PITPNC1: variants seen among roughly 807,000 people sequenced by gnomAD.
The protein encoded by PITPNC1 is cytoplasmic phosphatidylinositol transfer protein 1.
A neutral mutation model predicts 44.7 loss-of-function variants in PITPNC1; 18 were observed. The ratio of observed to expected loss-of-function variants is 0.40; its 90% CI spans 0.28 to 0.60. The LOEUF is 0.60. Among genes scored for constraint, PITPNC1 ranks in the 20% least tolerant of loss-of-function variants. PITPNC1 has a pLI of 0.39. For missense variants in PITPNC1, 290 were observed against 418.4 expected (o/e 0.69, Z 2.68); for synonymous variants, 141 against 149.6 (o/e 0.94, Z 0.42).
At chr17:67,387,778 CTTATT>C (rs1389364035) in intron 1 of PITPNC1, among the ~76,000 whole-genome samples, 1 of 152,176 alleles carries the variant, frequency 6.6e-6, no homozygotes, top group African/African-American at 2.4e-5. Context: ...GCAATTTGTA[CTTATT>C]TTGTTTAATT....
intron 4 of PITPNC1, among the ~76,000 whole-genome samples, chr17:67,566,030 T>C (rs2040976385): frequency 6.6e-6 from 1 of 152,224 alleles, no homozygotes. Context: ...ACACTTTGTT[T>C]TTTTAATGGT....
At chr17:67,492,357 A>G (rs2039876598) in intron 1 of PITPNC1, among the ~76,000 whole-genome samples, 1 of 152,236 alleles carries the variant, frequency 6.6e-6, no homozygotes, top group Non-Finnish European at 1.5e-5. Flanking sequence ...GAGAAGACAC[A>G]GACACACAGG....
chr17:67,614,821 T>C (rs2041736732), intron 5 of PITPNC1, among the ~76,000 whole-genome samples: 1 of 151,724 alleles, frequency 6.6e-6, no homozygotes. Flanking sequence ...GAGAGCAGCC[T>C]GGGGAATATA....
At chr17:67,670,621 G>A (rs1369340788) in intron 7 of PITPNC1, among the ~76,000 whole-genome samples, 2 of 151,530 alleles carry the variant, frequency 1.3e-5, no homozygotes, top group Non-Finnish European at 2.9e-5. Flanking sequence ...GTGGTGGCAC[G>A]TGCCTATAAT....
intron 1 of PITPNC1, among the ~76,000 whole-genome samples, chr17:67,431,346 C>CCG (rs748992940): frequency 7.2e-5 from 11 of 152,096 alleles, no homozygotes; most frequent in Non-Finnish European, 1.5e-4. Flanking sequence ...GAGTGAGCCA[C>CCG]CGCACCTGGC....
Position 67,553,611 on chromosome 17 carries a change from A to C in PITPNC1, c.288A>C (p.Glu96Asp). The C allele has an allele frequency of 3.2e-6, 4 of 1,231,928 alleles. No homozygotes were observed. The highest frequency in any genetic ancestry group is 3.4e-6 in the Non-Finnish European group (3 of 888,248). The allele number at this position is 1,231,928 out of a possible 1,614,324, so 76.3% of individuals were successfully genotyped here. The change falls in exon 4 of 9, where the codon GAA becomes GAC. Residue 96 changes from glutamate to aspartate, a missense_variant and splice_region_variant. Physicochemically the swap from Glu to Asp is conservative, Grantham distance 45 (BLOSUM62 2). Coordinates refer to ENST00000581322, the MANE Select transcript of PITPNC1 (RefSeq NM_012417.4). ...CTTCAAATGAACATGTGGAAACAGA[A>C]TACACAGTAAGTTCCATTTAATTAT... ...AWNYYPYTIT[E>D]YTCSFLPKFS...
At chr17:67,479,391 G>C (rs1426936008) in intron 1 of PITPNC1, among the ~76,000 whole-genome samples, 1 of 152,198 alleles carries the variant, frequency 6.6e-6, no homozygotes, top group Non-Finnish European at 1.5e-5. Context: ...ATGAGACAGT[G>C]CTTTGTCAAA....
At chr17:67,661,163 ATTAGCATAGTC>A (rs901687216) in intron 6 of PITPNC1, among the ~76,000 whole-genome samples, 12 of 151,966 alleles carry the variant, frequency 7.9e-5, no homozygotes, top group African/African-American at 2.9e-4. Context: ...ACATTCTTAA[ATTAGCATAGTC>A]TTTCCAGGCC....
At chr17:67,660,479 A>G (rs1307823923) in intron 6 of PITPNC1, among the ~76,000 whole-genome samples, 2 of 151,246 alleles carry the variant, frequency 1.3e-5, no homozygotes, top group Non-Finnish European at 3.0e-5. Context: ...GCCCTATATT[A>G]GTCTTTTTCA....
At chr17:67,418,507 G>A (rs1008840823) in intron 1 of PITPNC1, among the ~76,000 whole-genome samples, 1 of 152,106 alleles carries the variant, frequency 6.6e-6, no homozygotes, top group Non-Finnish European at 1.5e-5. Context: ...TTGTTGCGGG[G>A]AAGGAAGCAA....
intron 1 of PITPNC1, among the ~76,000 whole-genome samples, chr17:67,472,792 G>T (rs960931482): frequency 2.6e-5 from 4 of 152,162 alleles, no homozygotes; most frequent in Admixed American, 6.6e-5. Flanking sequence ...GAGTCACTCA[G>T]GGGAGGGAGA....
chr17:67,673,423 G>A (rs1365829734), intron 7 of PITPNC1, among the ~76,000 whole-genome samples: 1 of 151,878 alleles, frequency 6.6e-6, no homozygotes, highest in Non-Finnish European at 1.5e-5. Context: ...ACACACAAAT[G>A]GTATATACTA....
In PITPNC1 at chr17:67,695,606, G is replaced by GTATATATA. The variant is rs59071980; in HGVS notation, c.*2737_*2744dup. The stretch of plus-strand genomic sequence containing the variant: ...TTCACCAAAATTGTATTATACCTGT[G>GTATATATA]TATATATATATATATATATATATAT... On this transcript the variant is annotated 3_prime_UTR_variant, in exon 9 of 9. Transcript: ENST00000581322. 9.1e-5 allele frequency: 13 copies of GTATATATA among 142,982 alleles called. No homozygotes were observed. Among genetic ancestry groups the GTATATATA allele is most frequent in the South Asian group, 2.2e-4 (1 of 4,488 alleles). The allele number at this position is 142,982 out of a possible 1,614,324, so 8.9% of individuals were successfully genotyped here.
At chr17:67,686,338 G>A (rs1056412164) in intron 8 of PITPNC1, among the ~76,000 whole-genome samples, 1 of 150,546 alleles carries the variant, frequency 6.6e-6, no homozygotes, top group African/African-American at 2.5e-5. Flanking sequence ...CCCCCGTTGA[G>A]AACCACTAGA....
chr17:67,450,106 TG>T (rs1299773369), intron 1 of PITPNC1, among the ~76,000 whole-genome samples: 1 of 152,254 alleles, frequency 6.6e-6, no homozygotes, highest in East Asian at 1.9e-4. Context: ...TTATACTTCC[TG>T]TAAACCCAAT....
At chr17:67,644,028 C>T (rs1040285828) in intron 6 of PITPNC1, among the ~76,000 whole-genome samples, 1 of 152,164 alleles carries the variant, frequency 6.6e-6, no homozygotes, top group Non-Finnish European at 1.5e-5. Context: ...GATCCTCCGC[C>T]GGCTCAGCAA....
chr17:67,439,501 G>C (rs2038982413), intron 1 of PITPNC1, among the ~76,000 whole-genome samples: 1 of 152,188 alleles, frequency 6.6e-6, no homozygotes, highest in Non-Finnish European at 1.5e-5. Context: ...CTGTGAAGCA[G>C]ATGTTTGAAG....
intron 5 of PITPNC1, among the ~76,000 whole-genome samples, chr17:67,599,034 A>ATATATATTTT (rs1461493250): frequency 8.4e-5 from 3 of 35,688 alleles, no homozygotes; most frequent in African/African-American, 1.1e-4. Context: ...ATATATATAT[A>ATATATATTTT]TTTTTTTTTT....
chr17:67,430,212 A>T (rs904606634), intron 1 of PITPNC1, among the ~76,000 whole-genome samples: 1 of 152,164 alleles, frequency 6.6e-6, no homozygotes, highest in Non-Finnish European at 1.5e-5. Flanking sequence ...TGATTTTAAA[A>T]ACTTAGAATG....
Sources: allele counts gnomAD v4.1 joint callset (sites outside exome capture counted in the v4.1 genomes callset), GRCh38; gene constraint gnomAD v4.1.1; transcripts MANE v1.5; gene names NCBI Gene and HGNC (gene_info 2026-07-23, HGNC 2026-07-21).